Variants in RGS7 observed in about 807,000 individuals in gnomAD.
RGS7 encodes regulator of G-protein signaling 7.
RGS7 carries 27 observed loss-of-function variants against 81.1 expected under a neutral mutation model. That is an observed-to-expected ratio of 0.33 (90% CI 0.25 to 0.46). The LOEUF is 0.46. Among genes scored for constraint, RGS7 ranks in the 20% least tolerant of loss-of-function variants. The pLI, the probability that RGS7 is intolerant of heterozygous loss-of-function variation, is 1.00. For synonymous variants in RGS7, 208 were observed against 207.7 expected (o/e 1.00, Z -0.01); for missense variants, 396 against 607.4 (o/e 0.65, Z 3.66).
chr1:240,936,063 C>T (rs182538076), intron 5 of RGS7, among the ~76,000 whole-genome samples: 23 of 152,300 alleles, frequency 1.5e-4, no homozygotes, highest in African/African-American at 3.8e-4. Context: ...GTGTCATTTG[C>T]AAATGACCTA....
In RGS7 at chr1:241,088,027, C is replaced by CAT. The variant is rs202207333; in HGVS notation, c.175+10637_175+10638dup. ...ACACACATATATATATACACACACA[C>CAT]ATATATATATACACACATATATATA... On this transcript the variant is annotated intron_variant, in intron 3 of 18. Transcript: ENST00000440928. 5.8e-3 allele frequency among the ~76,000 whole-genome samples: 524 copies of CAT among 90,320 alleles called. 6 individuals are homozygous for CAT. The highest frequency in any genetic ancestry group is 0.022 in the Admixed American group (238 of 10,998). The allele number at this position is 90,320 out of a possible 152,430, so 59.3% of individuals were successfully genotyped here. A position where few individuals can be genotyped will look rare whatever the true frequency, so the allele number is the denominator to read the frequency against.
intron 10 of RGS7, chr1:240,823,305 G>T: frequency 1.7e-6 from 1 of 593,632 alleles, no homozygotes. Flanking sequence ...AAATGCCAAT[G>T]GATACATCAA....
intron 3 of RGS7, among the ~76,000 whole-genome samples, chr1:241,018,898 T>A (rs989654467): frequency 6.6e-5 from 10 of 152,184 alleles, no homozygotes; most frequent in African/African-American, 2.4e-4. Flanking sequence ...AGAATTCCAC[T>A]TCACAAGCTG....
intron 4 of RGS7, among the ~76,000 whole-genome samples, chr1:240,978,725 T>C (rs1488068266): frequency 6.6e-6 from 1 of 152,112 alleles, no homozygotes; most frequent in African/African-American, 2.4e-5. Flanking sequence ...AGGCATATAG[T>C]TAGTTACAAT....
chr1:241,049,312 C>T (rs763831443), intron 3 of RGS7, among the ~76,000 whole-genome samples: 1 of 152,190 alleles, frequency 6.6e-6, no homozygotes, highest in African/African-American at 2.4e-5. Flanking sequence ...TTATCTCATA[C>T]CCCTCTTTAC....
At chr1:241,317,427 T>C (rs2148589096) in intron 2 of RGS7, among the ~76,000 whole-genome samples, 1 of 152,314 alleles carries the variant, frequency 6.6e-6, no homozygotes, top group South Asian at 2.1e-4. Context: ...AAACAACTTG[T>C]TAGAATTATT....
chr1:241,137,608 G>A (rs1194941315), intron 2 of RGS7, among the ~76,000 whole-genome samples: 2 of 152,164 alleles, frequency 1.3e-5, no homozygotes. Context: ...GTCACATTAG[G>A]CTCAATTCAG....
chr1:241,016,196 C>T (rs1306687492), intron 3 of RGS7, among the ~76,000 whole-genome samples: 2 of 152,064 alleles, frequency 1.3e-5, no homozygotes, highest in Non-Finnish European at 2.9e-5. Context: ...CACACCAAAC[C>T]AGGTTTAAAT....
intron 3 of RGS7, among the ~76,000 whole-genome samples, chr1:241,089,019 C>CTCTCTCTCTCTCTCTCTCTCTCT (rs1558700011): frequency 9.5e-6 from 1 of 105,056 alleles, no homozygotes; most frequent in African/African-American, 4.1e-5. Context: ...GAGCAAGACT[C>CTCTCTCTCTCTCTCTCTCTCTCT]CATCTCTCTC....
At chr1:240,883,249 G>A (rs1396527529) in intron 6 of RGS7, among the ~76,000 whole-genome samples, 2 of 151,962 alleles carry the variant, frequency 1.3e-5, no homozygotes, top group Admixed American at 1.3e-4. Context: ...GTTAATGGGT[G>A]CAGCACACCA....
chr1:241,263,200 C>T (rs1490932003), intron 2 of RGS7, among the ~76,000 whole-genome samples: 2 of 152,070 alleles, frequency 1.3e-5, no homozygotes, highest in African/African-American at 4.8e-5. Context: ...TTGCTTGAAA[C>T]CGGAAGGTAG....
chr1:240,804,107 A>G (rs1688446788), intron 15 of RGS7, among the ~76,000 whole-genome samples: 1 of 152,182 alleles, frequency 6.6e-6, no homozygotes, highest in African/African-American at 2.4e-5. Context: ...TACCTTGCTC[A>G]AGAACTACCA....
intron 3 of RGS7, among the ~76,000 whole-genome samples, chr1:240,985,962 TA>T: frequency 7.2e-6 from 1 of 139,456 alleles, no homozygotes; most frequent in Non-Finnish European, 1.5e-5. Context: ...AATAAATAAA[TA>T]AATAAATAAA....
At chr1:240,819,594 C>T (rs1055003470) in intron 10 of RGS7, among the ~76,000 whole-genome samples, 1 of 152,116 alleles carries the variant, frequency 6.6e-6, no homozygotes. Context: ...CAAAATTAGC[C>T]AGGCATGGCG....
chr1:241,328,271 C>T (rs2081740394), intron 2 of RGS7, among the ~76,000 whole-genome samples: 1 of 152,144 alleles, frequency 6.6e-6, no homozygotes, highest in Non-Finnish European at 1.5e-5. Flanking sequence ...TAACCTTGTT[C>T]CAATCATTTA....
intron 6 of RGS7, chr1:240,919,754 G>A: frequency 1.5e-6 from 1 of 652,052 alleles, no homozygotes; most frequent in Non-Finnish European, 2.8e-6. Context: ...GCCATTTTCA[G>A]CAATGGGGAA....
At chr1:241,017,278 C>A (rs993218592) in intron 3 of RGS7, among the ~76,000 whole-genome samples, 1 of 151,986 alleles carries the variant, frequency 6.6e-6, no homozygotes, top group Non-Finnish European at 1.5e-5. Flanking sequence ...CCCGTCTCTA[C>A]TAAAATACAA....
At chr1:240,951,389 G>C (rs1191750918) in intron 4 of RGS7, among the ~76,000 whole-genome samples, 1 of 152,118 alleles carries the variant, frequency 6.6e-6, no homozygotes, top group East Asian at 1.9e-4. Context: ...AATAGAAAAA[G>C]TGCAAAACAT....
At chr1:240,837,501 T>C (rs1461543592) in intron 9 of RGS7, among the ~76,000 whole-genome samples, 4 of 152,246 alleles carry the variant, frequency 2.6e-5, no homozygotes, top group South Asian at 2.1e-4. Flanking sequence ...TGCATTATAC[T>C]GTTCCTCTGG....
Sources: allele counts gnomAD v4.1 joint callset (sites outside exome capture counted in the v4.1 genomes callset), GRCh38; gene constraint gnomAD v4.1.1; transcripts MANE v1.5; gene names NCBI Gene and HGNC (gene_info 2026-07-23, HGNC 2026-07-21).